Variants in NELL1 observed in about 807,000 individuals in gnomAD.
The protein encoded by NELL1 is neural EGFL like 1.
NELL1 carries 76 observed loss-of-function variants against 107.4 expected under a neutral mutation model. The ratio of observed to expected loss-of-function variants is 0.71; its 90% CI spans 0.59 to 0.86. NELL1 has a LOEUF of 0.86. Ranked by LOEUF, NELL1 falls within the 40% of genes least tolerant of loss-of-function variation. The pLI, the probability that NELL1 is intolerant of heterozygous loss-of-function variation, is 0.00. For synonymous variants in NELL1, 353 were observed against 341.2 expected, an observed-to-expected ratio of 1.03 and a Z score of -0.38; for missense variants, 1,024 against 1,005.5, an observed-to-expected ratio of 1.02 and a Z score of -0.25.
intron 13 of NELL1, among the ~76,000 whole-genome samples, chr11:21,140,074 C>T (rs1409517930): frequency 6.6e-6 from 1 of 152,056 alleles, no homozygotes; most frequent in Non-Finnish European, 1.5e-5. Flanking sequence ...TCAGGAGCTC[C>T]CCAGCTTGTA....
chr11:20,870,188 A>G (rs1255431374), intron 4 of NELL1, among the ~76,000 whole-genome samples: 1 of 152,190 alleles, frequency 6.6e-6, no homozygotes, highest in African/African-American at 2.4e-5. Flanking sequence ...ATCCAGGAAA[A>G]GGAAATGATT....
intron 13 of NELL1, among the ~76,000 whole-genome samples, chr11:21,180,001 G>T (rs1008626009): frequency 7.5e-6 from 1 of 133,998 alleles, no homozygotes; most frequent in African/African-American, 2.8e-5. Flanking sequence ...TAAACAAATG[G>T]GTCTGGCTGT....
At chr11:20,950,896 C>T (rs1285208526) in intron 11 of NELL1, among the ~76,000 whole-genome samples, 1 of 152,206 alleles carries the variant, frequency 6.6e-6, no homozygotes, top group African/African-American at 2.4e-5. Context: ...CCTTTCAACA[C>T]CTGCACCGAA....
intron 2 of NELL1, among the ~76,000 whole-genome samples, chr11:20,732,283 T>C (rs188756079): frequency 4.6e-5 from 7 of 152,198 alleles, no homozygotes; most frequent in African/African-American, 1.7e-4. Context: ...TCTGAATAAA[T>C]GGGAGAGAAT....
intron 1 of NELL1, among the ~76,000 whole-genome samples, chr11:20,674,874 G>C (rs530573684): frequency 6.6e-6 from 1 of 152,316 alleles, no homozygotes; most frequent in South Asian, 2.1e-4. Flanking sequence ...GGATGCCATC[G>C]TAGAAGGTCT....
chr11:20,741,369 G>A (rs1434518073), intron 2 of NELL1, among the ~76,000 whole-genome samples: 2 of 152,074 alleles, frequency 1.3e-5, no homozygotes, highest in African/African-American at 4.8e-5. Context: ...ACTTAAGAAA[G>A]TGTCATACTG....
chr11:21,241,480 G>T (rs1858357906), intron 14 of NELL1, among the ~76,000 whole-genome samples: 1 of 152,112 alleles, frequency 6.6e-6, no homozygotes, highest in Non-Finnish European at 1.5e-5. Context: ...ACTAGCTTAG[G>T]CTTACGCCAA....
At chr11:21,019,695 T>C (rs575017875) in intron 12 of NELL1, among the ~76,000 whole-genome samples, 1 of 152,120 alleles carries the variant, frequency 6.6e-6, no homozygotes, top group East Asian at 1.9e-4. Context: ...TGATCTGATC[T>C]CAAATCCCAA....
rs117254350 is a variant in NELL1, at chr11:20,963,786, G to A, written c.1300+3226G>A. Among the ~76,000 whole-genome samples the A allele has an allele frequency of 3.9e-3, 588 of 152,198 alleles. 1 individual carries two copies. The highest frequency in any genetic ancestry group is 6.5e-3 in the Non-Finnish European group (439 of 68,006). ...TAAATGGGATGAAAATGACTCATAC[G>A]ATAAAAACCACAGTGAACAAGACTG... On this transcript the variant is annotated intron_variant, in intron 12 of 19. Transcript: ENST00000357134.
chr11:21,412,090 A>G (rs974328611), intron 15 of NELL1, among the ~76,000 whole-genome samples: 2 of 152,116 alleles, frequency 1.3e-5, no homozygotes, highest in South Asian at 2.1e-4. Flanking sequence ...GCAATAAAGT[A>G]TCAAATGTTT....
chr11:20,945,539 A>G (rs1850944787), intron 10 of NELL1, among the ~76,000 whole-genome samples: 1 of 152,226 alleles, frequency 6.6e-6, no homozygotes, highest in South Asian at 2.1e-4. Flanking sequence ...AAAAGGATTC[A>G]ACAGTGTCAG....
chr11:21,272,638 C>G (rs1848764765), intron 14 of NELL1, among the ~76,000 whole-genome samples: 1 of 152,240 alleles, frequency 6.6e-6, no homozygotes, highest in Admixed American at 6.5e-5. Context: ...AGTAGCCTAA[C>G]TGGGAGGCAC....
At chr11:21,157,012 G>A (rs561877146) in intron 13 of NELL1, among the ~76,000 whole-genome samples, 90 of 152,016 alleles carry the variant, frequency 5.9e-4, no homozygotes, top group African/African-American at 2.1e-3. Context: ...TGAGGCATGA[G>A]AATCGCTGTA....
chr11:21,434,716 T>C (rs1220298963), intron 15 of NELL1, among the ~76,000 whole-genome samples: 5 of 152,128 alleles, frequency 3.3e-5, no homozygotes, highest in African/African-American at 9.7e-5. Context: ...TTTTAAGATT[T>C]TTTTTCTGCT....
intron 13 of NELL1, among the ~76,000 whole-genome samples, chr11:21,216,929 G>C (rs1857626532): frequency 6.6e-6 from 1 of 152,070 alleles, no homozygotes; most frequent in Non-Finnish European, 1.5e-5. Context: ...GGAGAAGTCA[G>C]GAGCAGAATG....
chr11:21,377,208 A>T (rs992706681), intron 15 of NELL1, among the ~76,000 whole-genome samples: 2 of 152,070 alleles, frequency 1.3e-5, no homozygotes, highest in Non-Finnish European at 2.9e-5. Flanking sequence ...TATTATTTTG[A>T]GGTGTGTTCC....
intron 12 of NELL1, among the ~76,000 whole-genome samples, chr11:20,976,730 C>T (rs1017116644): frequency 3.3e-5 from 5 of 152,098 alleles, no homozygotes; most frequent in African/African-American, 4.8e-5. Context: ...TTCTGTGGAT[C>T]ATATTTTCAA....
At chr11:20,885,317 T>A in intron 4 of NELL1, 127 bp from the exon 5 acceptor site, 1 of 652,352 alleles carries the variant, frequency 1.5e-6, no homozygotes, top group South Asian at 1.7e-5. Context: ...ATCTGTCATG[T>A]AAAGTGTGCC....
At chr11:20,888,623 A>G (rs925289883) in intron 5 of NELL1, among the ~76,000 whole-genome samples, 2 of 152,192 alleles carry the variant, frequency 1.3e-5, no homozygotes, top group Non-Finnish European at 2.9e-5. Context: ...ACAATGAAAT[A>G]AAAGTATATG....
Sources: gnomAD v4.1 joint callset for allele counts (sites outside exome capture counted in the v4.1 genomes callset) on GRCh38, gnomAD v4.1.1 for gene constraint, MANE v1.5 for transcripts, NCBI Gene and HGNC (gene_info 2026-07-23, HGNC 2026-07-21) for gene names.